Variants in DOCK5 observed in about 807,000 individuals in gnomAD.
DOCK5 encodes the protein dedicator of cytokinesis protein 5.
DOCK5 carries 142 observed loss-of-function variants against 251.8 expected under a neutral mutation model. The observed-to-expected ratio is 0.56, with a 90% CI of 0.49 to 0.65. The LOEUF (loss-of-function observed/expected upper bound fraction) is 0.65. Ranked by LOEUF, DOCK5 falls within the 30% of genes least tolerant of loss-of-function variation. The pLI is 0.00. For synonymous variants in DOCK5, 842 were observed against 835.5 expected, an observed-to-expected ratio of 1.01 and a Z score of -0.13; for missense variants, 2,111 against 2,312.3, an observed-to-expected ratio of 0.91 and a Z score of 1.79.
intron 48 of DOCK5, among the ~76,000 whole-genome samples, chr8:25,407,666 A>T (rs1318416729): frequency 6.6e-6 from 1 of 151,408 alleles, no homozygotes; most frequent in Non-Finnish European, 1.5e-5. Context: ...TGAGCCCAGG[A>T]GTTTGAGACA....
At chr8:25,254,643 T>A (rs1803362841) in intron 2 of DOCK5, among the ~76,000 whole-genome samples, 2 of 151,532 alleles carry the variant, frequency 1.3e-5, no homozygotes, top group South Asian at 4.2e-4. Context: ...GGCGTGGTGG[T>A]GGCCAGCTGT....
rs1563311438 is a variant in DOCK5 at position 25,217,016 on chromosome 8, TATGTATAGATGTATACAATATGTGTATAC to T, written c.44-26634_44-26606del. Among the ~76,000 whole-genome samples the T allele has an allele frequency of 2.8e-3, 280 of 100,766 alleles. 1 individual carries two copies. The highest frequency in any genetic ancestry group is 5.9e-3 in the African/African-American group (144 of 24,248). 66.1% of individuals were successfully genotyped at this position (100,766 alleles called of 152,430 possible). On this transcript the variant is annotated intron_variant, in intron 1 of 51. Transcript: ENST00000276440. The stretch of plus-strand genomic sequence containing the variant: ...AGATGTATACAATATGTGTATACAA[TATGTATAGATGTATACAATATGTGTATAC>T]ATGTATAGATGTATACAATATGTAT...
intron 1 of DOCK5, among the ~76,000 whole-genome samples, chr8:25,205,378 T>C (rs1371896675): frequency 1.3e-5 from 2 of 152,212 alleles, no homozygotes; most frequent in Admixed American, 1.3e-4. Context: ...ACCATGATGG[T>C]AACTTGATCT....
In DOCK5 at chr8:25,390,106, CT is replaced by C. The variant is rs1586388179; in HGVS notation, c.4274-99del. 5.7e-5 allele frequency: 53 copies of C among 937,470 alleles called. No homozygotes were observed. The South Asian group carries it at 9.0e-4, about 16-fold the overall frequency. The allele number at this position is 937,470 out of a possible 1,614,324, so 58.1% of individuals were successfully genotyped here. ...TTGGGGTCAAAGGGAGTGATTGGTG[CT>C]GGTGGCATTTCCGGCTGTGAAGCAG... On this transcript the variant is annotated intron_variant, in intron 41 of 51. Coordinates refer to ENST00000276440, the MANE Select transcript of DOCK5 (RefSeq NM_024940.8).
chr8:25,278,483 C>A, intron 4 of DOCK5, 86 bp from the exon 5 acceptor site: 1 of 1,344,754 alleles, frequency 7.4e-7, no homozygotes, highest in Non-Finnish European at 1.1e-6. Flanking sequence ...CATTCTCAAC[C>A]TTGAACGTTG....
chr8:25,309,050 C>T, intron 12 of DOCK5, 125 bp downstream of exon 12: 1 of 1,248,304 alleles, frequency 8.0e-7, no homozygotes, highest in Non-Finnish European at 1.1e-6. Flanking sequence ...TGGGGACCAT[C>T]CCCCTCAGCT....
chr8:25,245,731 G>C (rs941265897), intron 2 of DOCK5, among the ~76,000 whole-genome samples: 7 of 151,946 alleles, frequency 4.6e-5, no homozygotes, highest in South Asian at 2.1e-4. Context: ...GTAGAGACGG[G>C]GTTTCATCAT....
At chr8:25,374,929 T>C in intron 37 of DOCK5, 1 of 1,256,354 alleles carries the variant, frequency 8.0e-7, no homozygotes, top group Non-Finnish European at 1.0e-6. Flanking sequence ...AAACACACAT[T>C]GATGAATACA....
At chr8:25,232,303 A>G (rs962067233) in intron 1 of DOCK5, among the ~76,000 whole-genome samples, 2 of 137,902 alleles carry the variant, frequency 1.5e-5, no homozygotes, top group African/African-American at 3.0e-5. Flanking sequence ...TGCAGATGCA[A>G]TGCAATGCAG....
At chr8:25,300,751 G>T in intron 9 of DOCK5, 94 bp downstream of exon 9, 1 of 1,333,284 alleles carries the variant, frequency 7.5e-7, no homozygotes, top group South Asian at 1.4e-5. Context: ...ATGAAAAGAT[G>T]AAAGGAAAAA....
chr8:25,317,013 T>C lies in DOCK5; in HGVS notation c.1325T>C (p.Val442Ala). Reference protein sequence around the residue: ...GFPEIILPGDVRNDIYVTLIH... With the variant: ...GFPEIILPGDARNDIYVTLIH... ...CATGCTTATCATGTTGCAGGAGATG[T>C]TCGGAATGACATTTATGTCACCCTG... Residue 442 changes from valine to alanine, a missense_variant, in exon 14 of 52, where the codon GTT (valine) becomes GCT (alanine). Transcript: ENST00000276440. 6.2e-7 allele frequency: 1 copy of C among 1,613,882 alleles called. No homozygotes were observed. Among genetic ancestry groups the C allele is most frequent in the Middle Eastern group, 1.6e-4 (1 of 6,062 alleles).
rs1264366854 is a variant in DOCK5, at chr8:25,275,430, G to A, written c.213G>A (p.Val71=). Residue 71 remains valine, a synonymous_variant, in exon 4 of 52, where the codon GTG becomes GTA. Coordinates refer to ENST00000276440, the MANE Select transcript of DOCK5 (RefSeq NM_024940.8). Reference sequence around the variant, plus strand: ...ATATCCATTTGAAAGAGGCAACTGTGGAAGACCTGGGGTAAGTTCCAAGCT... The same window carrying A: ...ATATCCATTTGAAAGAGGCAACTGTAGAAGACCTGGGGTAAGTTCCAAGCT... ...ETYIHLKEAT[V]EDLGQHETVI... The A allele has an allele frequency of 6.2e-7, 1 of 1,610,030 alleles. No homozygotes were observed. Among genetic ancestry groups the A allele is most frequent in the Admixed American group, 1.7e-5 (1 of 58,726 alleles).
chr8:25,345,394 C>T (rs778556019), intron 25 of DOCK5, 81 bp from the exon 26 acceptor site: 17 of 1,568,422 alleles, frequency 1.1e-5, no homozygotes, highest in Non-Finnish European at 1.4e-5. Context: ...TGGTACTGGT[C>T]GAGGAAGAGT....
At chr8:25,294,982 A>G (rs751366445) in intron 6 of DOCK5, among the ~76,000 whole-genome samples, 3 of 152,188 alleles carry the variant, frequency 2.0e-5, no homozygotes, top group Non-Finnish European at 2.9e-5. Context: ...CCCATGATCC[A>G]ATCACCTCCC....
chr8:25,217,485 AGTTTGAGATTC>A (rs1372768280), intron 1 of DOCK5, among the ~76,000 whole-genome samples: 1 of 152,052 alleles, frequency 6.6e-6, no homozygotes, highest in Non-Finnish European at 1.5e-5. Context: ...CTTGTTGGAG[AGTTTGAGATTC>A]TTCTTTCTGT....
intron 5 of DOCK5, among the ~76,000 whole-genome samples, chr8:25,287,357 T>A (rs1292392991): frequency 4.0e-5 from 6 of 151,766 alleles, no homozygotes; most frequent in African/African-American, 1.5e-4. Flanking sequence ...ACCCAGGAGG[T>A]GGAGGTTGCT....
chr8:25,232,792 A>C (rs1346112890), intron 1 of DOCK5, among the ~76,000 whole-genome samples: 1 of 152,170 alleles, frequency 6.6e-6, no homozygotes, highest in African/African-American at 2.4e-5. Flanking sequence ...TTCAGTCTGT[A>C]ACACTGCACT....
At chr8:25,193,842 GA>G (rs1166982637) in intron 1 of DOCK5, among the ~76,000 whole-genome samples, 6 of 152,244 alleles carry the variant, frequency 3.9e-5, no homozygotes, top group African/African-American at 1.4e-4. Context: ...TATGTTAGCT[GA>G]AAAAAGAATG....
intron 27 of DOCK5, among the ~76,000 whole-genome samples, chr8:25,355,251 G>A (rs1362833388): frequency 3.3e-5 from 5 of 151,934 alleles, no homozygotes; most frequent in African/African-American, 1.2e-4. Context: ...AAAAAAAAAG[G>A]TATTTAATTT....
Sources: gnomAD v4.1 joint callset for allele counts (sites outside exome capture counted in the v4.1 genomes callset) on GRCh38, gnomAD v4.1.1 for gene constraint, MANE v1.5 for transcripts, NCBI Gene and HGNC (gene_info 2026-07-23, HGNC 2026-07-21) for gene names.